The following AFG1L variants were observed in gnomAD, a reference collection of about 807,000 sequenced individuals.
AFG1L encodes the protein AFG1-like ATPase.
Under a neutral mutation model 62.2 loss-of-function variants are expected in AFG1L, and 53 were observed. The ratio of observed to expected loss-of-function variants is 0.85; its 90% CI spans 0.68 to 1.07. The LOEUF is 1.07. Among genes scored for constraint, AFG1L ranks in the 50% least tolerant of loss-of-function variants. The pLI, the probability that AFG1L is intolerant of heterozygous loss-of-function variation, is 0.00. For synonymous variants in AFG1L, 228 were observed against 210.3 expected (o/e 1.08, Z -0.73); for missense variants, 555 against 590.5 (o/e 0.94, Z 0.62).
rs115424956 is a variant in AFG1L, at chr6:108,344,861, G to C, written c.364-2127G>C. 2,225 of 467,642 alleles carry C rather than the reference G, an allele frequency of 4.8e-3. 38 individuals are homozygous for C. The highest frequency in any genetic ancestry group is 0.041 in the African/African-American group (2,031 of 49,860). The allele number at this position is 467,642 out of a possible 1,614,324, so 29.0% of individuals were successfully genotyped here. ...GTTATTTGGGTTGATAATAGCATTA[G>C]GTAAGATAAGTTCTATTTTGCTTCA... On this transcript the variant is annotated intron_variant, in intron 2 of 12. Coordinates refer to ENST00000368977, the MANE Select transcript of AFG1L (RefSeq NM_145315.5).
intron 7 of AFG1L, among the ~76,000 whole-genome samples, chr6:108,431,456 C>T (rs923131636): frequency 1.3e-5 from 2 of 152,098 alleles, no homozygotes; most frequent in Non-Finnish European, 2.9e-5. Context: ...CTATATTTTA[C>T]AAGAGTCTGA....
intron 10 of AFG1L, among the ~76,000 whole-genome samples, chr6:108,503,548 G>A (rs1348018734): frequency 6.6e-6 from 1 of 152,206 alleles, no homozygotes; most frequent in South Asian, 2.1e-4. Context: ...ATAAAAAGAT[G>A]TGCTGTCATC....
In AFG1L at chr6:108,355,639, T is replaced by G. The variant is rs778040268; in HGVS notation, c.416-15T>G. 1.4e-6 allele frequency: 2 copies of G among 1,439,794 alleles called. No homozygotes were observed. The highest frequency in any genetic ancestry group is 1.4e-5 in the African/African-American group (1 of 69,984). The allele number at this position is 1,439,794 out of a possible 1,614,324, so 89.2% of individuals were successfully genotyped here. A position where few individuals can be genotyped will look rare whatever the true frequency, so the allele number is the denominator to read the frequency against. On this transcript the variant is annotated splice_polypyrimidine_tract_variant and intron_variant, in intron 3 of 12. Coordinates refer to ENST00000368977, the MANE Select transcript of AFG1L (RefSeq NM_145315.5). ...ACTATTTAATAGTATTCTTAAAATT[T>G]TTTTTATTTTTAAGGTACAGGAAAA...
At chr6:108,500,290 G>A (rs145965956) in intron 10 of AFG1L, among the ~76,000 whole-genome samples, 6,483 of 151,272 alleles carry the variant, frequency 0.043, 450 homozygotes, top group African/African-American at 0.15. Flanking sequence ...ATGAACCACC[G>A]TGCCCAGCCG....
intron 7 of AFG1L, among the ~76,000 whole-genome samples, chr6:108,433,485 A>G (rs890911887): frequency 1.3e-5 from 2 of 151,300 alleles, no homozygotes; most frequent in East Asian, 1.9e-4. Context: ...GGATTTCACT[A>G]TGTGTTGGCC....
At chr6:108,342,073 C>T (rs1183337275) in intron 2 of AFG1L, among the ~76,000 whole-genome samples, 1 of 152,140 alleles carries the variant, frequency 6.6e-6, no homozygotes, top group Non-Finnish European at 1.5e-5. Flanking sequence ...CTGGTGAGAG[C>T]TGGAGCTGTG....
intron 10 of AFG1L, among the ~76,000 whole-genome samples, chr6:108,506,973 C>T (rs1774443890): frequency 1.3e-5 from 2 of 151,934 alleles, no homozygotes; most frequent in African/African-American, 4.8e-5. Flanking sequence ...TATTGAAAAC[C>T]AAAATGTCAT....
At chr6:108,341,055 G>C (rs1040286592) in intron 2 of AFG1L, among the ~76,000 whole-genome samples, 8 of 149,624 alleles carry the variant, frequency 5.3e-5, no homozygotes, top group Non-Finnish European at 7.4e-5. Flanking sequence ...CAGAGAGAGG[G>C]TCCTCTCTGC....
chr6:108,347,849 C>T (rs977525944), intron 3 of AFG1L, among the ~76,000 whole-genome samples: 3 of 151,714 alleles, frequency 2.0e-5, no homozygotes, highest in Admixed American at 1.3e-4. Flanking sequence ...TTTCTAATCC[C>T]TCAGTTTACT....
intron 11 of AFG1L, among the ~76,000 whole-genome samples, chr6:108,514,975 C>G (rs1348438207): frequency 1.3e-5 from 2 of 152,318 alleles, no homozygotes; most frequent in Middle Eastern, 3.4e-3. Flanking sequence ...GCACCCAATA[C>G]AGGAGCACCC....
At chr6:108,501,624 T>C (rs1045606201) in intron 10 of AFG1L, among the ~76,000 whole-genome samples, 1 of 152,198 alleles carries the variant, frequency 6.6e-6, no homozygotes, top group African/African-American at 2.4e-5. Context: ...GTCCTCTCTA[T>C]TCACCTGCAG....
At position 108,523,838 on chromosome 6, in the gene AFG1L, T is replaced by A. The variant is rs1297451638; in HGVS notation, c.*1413T>A. 1 of 152,088 alleles carries A rather than the reference T, an allele frequency of 6.6e-6. No homozygotes were observed. The highest frequency in any genetic ancestry group is 1.5e-5 in the Non-Finnish European group (1 of 68,032). The allele number at this position is 152,088 out of a possible 1,614,324, so 9.4% of individuals were successfully genotyped here. On this transcript the variant is annotated 3_prime_UTR_variant, in exon 13 of 13. Transcript: ENST00000368977. ...AATCAAGCCTTCTGTAAATAAAATG[T>A]GGTTTAAAGATATTTTTATTGAAGT...
At chr6:108,512,363 G>A (rs375897279) in intron 11 of AFG1L, among the ~76,000 whole-genome samples, 15 of 152,280 alleles carry the variant, frequency 9.9e-5, no homozygotes, top group African/African-American at 1.7e-4. Flanking sequence ...GTGCATCCCC[G>A]CGGAGCCCAC....
At chr6:108,473,133 T>C (rs537666342) in intron 8 of AFG1L, among the ~76,000 whole-genome samples, 7 of 152,328 alleles carry the variant, frequency 4.6e-5, no homozygotes, top group East Asian at 3.9e-4. Flanking sequence ...TTGCATTTTG[T>C]AACTTCTGAG....
chr6:108,319,823 A>G (rs771092752), intron 1 of AFG1L: 4 of 424,680 alleles, frequency 9.4e-6, no homozygotes, highest in South Asian at 6.8e-5. Context: ...ATTTTGAGAC[A>G]TAAGTAAATA....
At chr6:108,306,646 A>G (rs1393780579) in intron 1 of AFG1L, among the ~76,000 whole-genome samples, 1 of 152,172 alleles carries the variant, frequency 6.6e-6, no homozygotes, top group Non-Finnish European at 1.5e-5. Context: ...TGCCACCCAT[A>G]TGCTACATGC....
intron 7 of AFG1L, among the ~76,000 whole-genome samples, chr6:108,419,315 G>A (rs1770482308): frequency 6.6e-6 from 1 of 152,074 alleles, no homozygotes; most frequent in South Asian, 2.1e-4. Flanking sequence ...CACAATGACA[G>A]CTTAGCATGC....
At chr6:108,439,683 A>T (rs1037256075) in intron 7 of AFG1L, among the ~76,000 whole-genome samples, 1 of 152,176 alleles carries the variant, frequency 6.6e-6, no homozygotes, top group Non-Finnish European at 1.5e-5. Flanking sequence ...TATAATTTGT[A>T]TACTTTCCTG....
intron 1 of AFG1L, among the ~76,000 whole-genome samples, chr6:108,316,512 A>G (rs762518796): frequency 1.0e-4 from 15 of 149,152 alleles, no homozygotes; most frequent in South Asian, 6.4e-4. Context: ...ATAATTGTAT[A>G]TATTTATGGG....
Sources: allele counts gnomAD v4.1 joint callset (sites outside exome capture counted in the v4.1 genomes callset), GRCh38; gene constraint gnomAD v4.1.1; transcripts MANE v1.5; gene names NCBI Gene and HGNC (gene_info 2026-07-23, HGNC 2026-07-21).